The following C10orf67 variants were observed in gnomAD, a reference collection of about 807,000 sequenced individuals.
The protein encoded by C10orf67 is chromosome 10 open reading frame 67, also known as uncharacterized protein C10orf67, mitochondrial.
C10orf67 carries 60 observed loss-of-function variants against 35.6 expected under a neutral mutation model. The ratio of observed to expected loss-of-function variants is 1.68; its 90% CI spans 1.37 to 2.09. C10orf67 has a LOEUF of 2.09. C10orf67 is among the 30% of genes most tolerant of loss of function. The pLI, the probability that C10orf67 is intolerant of heterozygous loss-of-function variation, is 0.00. For missense variants in C10orf67, 474 were observed against 330.2 expected (o/e 1.44, Z -3.38); for synonymous variants, 167 against 115.8 (o/e 1.44, Z -2.84).
intron 10 of C10orf67, among the ~76,000 whole-genome samples, chr10:23,252,533 A>T (rs1224332974): frequency 6.6e-6 from 1 of 152,204 alleles, no homozygotes; most frequent in East Asian, 1.9e-4. Flanking sequence ...AGCACTGGAG[A>T]TACAATAGAA....
intron 10 of C10orf67, among the ~76,000 whole-genome samples, chr10:23,265,893 T>C (rs1206134283): frequency 6.6e-6 from 1 of 152,214 alleles, no homozygotes; most frequent in Non-Finnish European, 1.5e-5. Context: ...CATGAGCAAA[T>C]GGACTGGCTA....
At chr10:23,301,973 G>T (rs1264015274) in intron 5 of C10orf67, among the ~76,000 whole-genome samples, 1 of 152,166 alleles carries the variant, frequency 6.6e-6, no homozygotes, top group Non-Finnish European at 1.5e-5. Flanking sequence ...CATCCTGCTG[G>T]ATCCAGAGGG....
intron 2 of C10orf67, among the ~76,000 whole-genome samples, chr10:23,325,864 T>A (rs939764278): frequency 1.3e-5 from 2 of 151,814 alleles, no homozygotes; most frequent in Non-Finnish European, 2.9e-5. Flanking sequence ...AAACAGAAAA[T>A]TTTGATAAAG....
chr10:23,310,071 T>C (rs561608156), intron 4 of C10orf67, among the ~76,000 whole-genome samples: 7 of 152,320 alleles, frequency 4.6e-5, no homozygotes, highest in South Asian at 2.1e-4. Flanking sequence ...CTGTGGGAGA[T>C]AGCAGAAAGC....
intron 1 of C10orf67, among the ~76,000 whole-genome samples, chr10:23,339,213 T>G (rs1845794354): frequency 6.6e-6 from 1 of 151,840 alleles, no homozygotes; most frequent in South Asian, 2.1e-4. Flanking sequence ...ATCCTTATGC[T>G]GCTGAAACAA....
intron 1 of C10orf67, among the ~76,000 whole-genome samples, chr10:23,343,739 T>G (rs940324121): frequency 2.0e-5 from 3 of 152,084 alleles, no homozygotes; most frequent in Non-Finnish European, 4.4e-5. Flanking sequence ...GCTATACACT[T>G]GAAGAAGTGA....
chr10:23,242,766 A>T (rs990471693), intron 12 of C10orf67, among the ~76,000 whole-genome samples: 5 of 152,162 alleles, frequency 3.3e-5, no homozygotes, highest in African/African-American at 9.6e-5. Context: ...TAACAAATTA[A>T]TAAAAGAAAA....
At chr10:23,317,837 G>T (rs1481340485) in intron 4 of C10orf67, 3 of 151,700 alleles carry the variant, frequency 2.0e-5, no homozygotes, top group Non-Finnish European at 4.4e-5. Context: ...GTGGCTCATG[G>T]TTGTAATCTT....
intron 13 of C10orf67, among the ~76,000 whole-genome samples, chr10:23,234,723 AG>A (rs1006313696): frequency 5.3e-5 from 8 of 150,914 alleles, no homozygotes; most frequent in African/African-American, 2.0e-4. Context: ...AAAAAAAAAA[AG>A]GTAAATAAGG....
intron 12 of C10orf67, among the ~76,000 whole-genome samples, chr10:23,240,066 C>T (rs1284512292): frequency 2.6e-5 from 4 of 152,004 alleles, no homozygotes; most frequent in Admixed American, 2.6e-4. Flanking sequence ...TGGTACATGC[C>T]TGTAGTCCCA....
At chr10:23,279,604 A>G (rs1811923815) in intron 8 of C10orf67, among the ~76,000 whole-genome samples, 1 of 152,194 alleles carries the variant, frequency 6.6e-6, no homozygotes, top group Non-Finnish European at 1.5e-5. Flanking sequence ...AGCAGATGGA[A>G]ATGAAGTAAG....
At chr10:23,250,798 C>T in intron 10 of C10orf67, 107 bp from the exon 11 acceptor site, 1 of 396,098 alleles carries the variant, frequency 2.5e-6, no homozygotes, top group Admixed American at 4.4e-5. Flanking sequence ...ACTCTAACTA[C>T]TATCAAACAT....
intron 4 of C10orf67, among the ~76,000 whole-genome samples, chr10:23,311,019 T>TC: frequency 6.6e-6 from 1 of 151,700 alleles, no homozygotes; most frequent in East Asian, 1.9e-4. Flanking sequence ...CAGGCTGGAG[T>TC]ACAGTGGCAT....
At chr10:23,262,832 T>C (rs1388047727) in intron 10 of C10orf67, among the ~76,000 whole-genome samples, 1 of 152,214 alleles carries the variant, frequency 6.6e-6, no homozygotes, top group Admixed American at 6.5e-5. Context: ...TTTAAATATA[T>C]TACTCACATT....
chr10:23,288,443 G>T (rs1295487382), intron 7 of C10orf67, among the ~76,000 whole-genome samples: 1 of 152,112 alleles, frequency 6.6e-6, no homozygotes, highest in Admixed American at 6.5e-5. Flanking sequence ...CACAGATTGG[G>T]GAACAACACA....
At chr10:23,343,859 G>C (rs966469613) in intron 1 of C10orf67, 14 of 459,516 alleles carry the variant, frequency 3.0e-5, no homozygotes, top group Admixed American at 1.2e-4. Flanking sequence ...GCCGGGGCGC[G>C]AGGGCTCCGG....
intron 4 of C10orf67, chr10:23,317,538 A>G (rs1312832779): frequency 6.6e-6 from 1 of 152,224 alleles, no homozygotes; most frequent in Non-Finnish European, 1.5e-5. Flanking sequence ...TGCAGCCGGC[A>G]TCTTTGCAGC....
chr10:23,222,968 A>G (rs1841626266), intron 15 of C10orf67, among the ~76,000 whole-genome samples: 1 of 152,148 alleles, frequency 6.6e-6, no homozygotes, highest in Admixed American at 6.5e-5. Flanking sequence ...TCTAATTATT[A>G]AGTTGGAAAA....
intron 5 of C10orf67, among the ~76,000 whole-genome samples, chr10:23,301,859 C>T (rs185875123): frequency 2.3e-4 from 35 of 152,344 alleles, no homozygotes; most frequent in African/African-American, 7.9e-4. Flanking sequence ...GCGTTCAGCT[C>T]GATTATGATC....
Sources: gnomAD v4.1 joint callset for allele counts (sites outside exome capture counted in the v4.1 genomes callset) on GRCh38, gnomAD v4.1.1 for gene constraint, MANE v1.5 for transcripts, NCBI Gene and HGNC (gene_info 2026-07-23, HGNC 2026-07-21) for gene names.